The following TLK2 variants were observed in gnomAD, a reference collection of about 807,000 sequenced individuals.
TLK2 encodes the protein serine/threonine-protein kinase tousled-like 2.
TLK2 carries 6 observed loss-of-function variants against 117.3 expected under a neutral mutation model. The ratio of observed to expected loss-of-function variants is 0.05; its 90% confidence interval spans 0.03 to 0.10. The LOEUF is 0.10. TLK2 is among the 10% of genes least tolerant of loss of function. The pLI is 1.00. For missense variants in TLK2, 299 were observed against 901.2 expected (o/e 0.33, Z 8.56); for synonymous variants, 257 against 316.7 (o/e 0.81, Z 2.00).
intron 12 of TLK2, among the ~76,000 whole-genome samples, chr17:62,574,992 A>G (rs1360503479): frequency 5.3e-5 from 8 of 152,144 alleles, no homozygotes; most frequent in Non-Finnish European, 1.0e-4. Context: ...AATCTGACCA[A>G]TGTTTTCTTT....
upstream of TLK2, among the ~76,000 whole-genome samples, chr17:62,474,806 G>A (rs1396819965): frequency 5.9e-5 from 9 of 151,540 alleles, no homozygotes; most frequent in African/African-American, 1.5e-4. Flanking sequence ...GATTACAGGC[G>A]TGAGCCACTA....
chr17:62,596,687 C>G lies in TLK2; in HGVS notation c.1550+13C>G, dbSNP rs1240188853. ...TGGATACTGACTCGTAAGTGCTGTG[C>G]TGTTTTACCTTAACAGTTATATTAT... is the stretch of plus-strand genomic sequence containing the variant. On this transcript the variant is annotated intron_variant, in intron 17 of 21. Coordinates refer to ENST00000346027, the MANE Select transcript of TLK2 (RefSeq NM_006852.6). 6.2e-7 allele frequency: 1 copy of G among 1,602,990 alleles called. No homozygotes were observed. Among genetic ancestry groups the G allele is most frequent in the Non-Finnish European group, 8.5e-7 (1 of 1,170,254 alleles).
At chr17:62,546,326 AT>A (rs2077911463) in intron 7 of TLK2, among the ~76,000 whole-genome samples, 2 of 68,368 alleles carry the variant, frequency 2.9e-5, no homozygotes, top group East Asian at 8.6e-4. Context: ...AAAGTTCCCT[AT>A]TTTGAGTTTG....
chr17:62,513,179 C>T (rs1482346756), intron 2 of TLK2, among the ~76,000 whole-genome samples: 3 of 151,698 alleles, frequency 2.0e-5, no homozygotes, highest in Middle Eastern at 3.4e-3. Context: ...CACACCCGGC[C>T]GAGTTAATAT....
At chr17:62,595,301 T>C (rs892272288) in intron 16 of TLK2, among the ~76,000 whole-genome samples, 3 of 151,674 alleles carry the variant, frequency 2.0e-5, no homozygotes, top group Non-Finnish European at 2.9e-5. Context: ...TTTTTTTTTT[T>C]TTTAAATCAG....
chr17:62,584,551 A>G (rs189435284), intron 15 of TLK2, among the ~76,000 whole-genome samples: 1 of 152,200 alleles, frequency 6.6e-6, no homozygotes, highest in African/African-American at 2.4e-5. Context: ...CATGGCCTCT[A>G]CTGCCTCTAA....
At chr17:62,505,796 A>C (rs1231167033) in intron 2 of TLK2, among the ~76,000 whole-genome samples, 1 of 152,048 alleles carries the variant, frequency 6.6e-6, no homozygotes, top group African/African-American at 2.4e-5. Context: ...GGCTCAATTG[A>C]TCTTCCTACC....
intron 6 of TLK2, among the ~76,000 whole-genome samples, chr17:62,529,640 C>T (rs1312177469): frequency 6.6e-6 from 1 of 152,160 alleles, no homozygotes; most frequent in Admixed American, 6.5e-5. Context: ...ATTATGTTTT[C>T]TATCTTGGGC....
chr17:62,527,044 A>C (rs1485145928), intron 6 of TLK2, among the ~76,000 whole-genome samples: 2 of 152,140 alleles, frequency 1.3e-5, no homozygotes, highest in African/African-American at 4.8e-5. Flanking sequence ...CCTCTCCTTC[A>C]TGCCACTGCA....
intron 14 of TLK2, among the ~76,000 whole-genome samples, chr17:62,579,324 A>G (rs1193669671): frequency 5.3e-4 from 81 of 152,272 alleles, no homozygotes; most frequent in Non-Finnish European, 2.2e-4. Context: ...TTAATACATT[A>G]ATCAGAAAAC....
chr17:62,491,237 G>A (rs987259510), intron 2 of TLK2, among the ~76,000 whole-genome samples: 7 of 152,082 alleles, frequency 4.6e-5, no homozygotes, highest in African/African-American at 9.7e-5. Flanking sequence ...ATAAGTGGTT[G>A]GCATTGGCGT....
At chr17:62,495,592 T>C (rs1483018632) in intron 2 of TLK2, among the ~76,000 whole-genome samples, 1 of 150,478 alleles carries the variant, frequency 6.6e-6, no homozygotes, top group Admixed American at 6.6e-5. Flanking sequence ...GGCGTGTTTT[T>C]AAATAATTAA....
intron 2 of TLK2, among the ~76,000 whole-genome samples, chr17:62,488,738 AATTACAAC>A: frequency 6.6e-6 from 1 of 152,156 alleles, no homozygotes; most frequent in East Asian, 1.9e-4. Context: ...TTACCACAGA[AATTACAAC>A]AGATATTTTT....
intron 7 of TLK2, among the ~76,000 whole-genome samples, chr17:62,541,106 G>C (rs1407907945): frequency 6.6e-6 from 1 of 152,036 alleles, no homozygotes; most frequent in Admixed American, 6.6e-5. Flanking sequence ...TCTGGTTTCT[G>C]CTTATATTTA....
chr17:62,588,615 G>C (rs1408580250), intron 16 of TLK2, among the ~76,000 whole-genome samples: 3 of 152,090 alleles, frequency 2.0e-5, no homozygotes, highest in African/African-American at 4.8e-5. Flanking sequence ...GTGAGTTGTT[G>C]TGACCTTCAT....
intron 21 of TLK2, chr17:62,611,991 G>C (rs2083817670): frequency 6.4e-6 from 1 of 155,454 alleles, no homozygotes; most frequent in Non-Finnish European, 1.4e-5. Context: ...GCTTCCTCAG[G>C]AAGTTCACAT....
intron 1 of TLK2, among the ~76,000 whole-genome samples, chr17:62,473,520 A>G (rs1240545490): frequency 2.0e-5 from 3 of 152,228 alleles, no homozygotes; most frequent in Non-Finnish European, 2.9e-5. Flanking sequence ...TGGTTTCCAG[A>G]CCATCATCAA....
At chr17:62,544,174 C>T (rs1303357458) in intron 7 of TLK2, among the ~76,000 whole-genome samples, 2 of 152,188 alleles carry the variant, frequency 1.3e-5, no homozygotes, top group Non-Finnish European at 2.9e-5. Context: ...TAAATCTGCT[C>T]CATCTATATC....
intron 15 of TLK2, among the ~76,000 whole-genome samples, chr17:62,585,233 C>T (rs1447727569): frequency 6.6e-6 from 1 of 152,108 alleles, no homozygotes. Flanking sequence ...CTAACTTCAG[C>T]CATTTTTGGG....
Sources: allele counts gnomAD v4.1 joint callset (sites outside exome capture counted in the v4.1 genomes callset), GRCh38; gene constraint gnomAD v4.1.1; transcripts MANE v1.5; gene names NCBI Gene and HGNC (gene_info 2026-07-23, HGNC 2026-07-21).